NREP: variants seen among roughly 807,000 people sequenced by gnomAD.
NREP encodes the protein neuronal regeneration related protein, also known as neuronal regeneration-related protein.
In NREP, 5 loss-of-function variants were observed where a neutral mutation model predicts 8.6. That is an observed-to-expected ratio of 0.58 (90% CI 0.30 to 1.22). The LOEUF (loss-of-function observed/expected upper bound fraction) is 1.22, where lower values mean the gene tolerates loss of function less well. Ranked by LOEUF, NREP falls within the 50% of genes most tolerant of loss-of-function variation. NREP has a pLI of 0.07. For synonymous variants in NREP, 27 were observed against 28.0 expected (o/e 0.96, Z 0.11); for missense variants, 86 against 82.5 (o/e 1.04, Z -0.17).
chr5:111,779,124 A>G (rs889455686), intron 2 of NREP, among the ~76,000 whole-genome samples: 1 of 152,022 alleles, frequency 6.6e-6, no homozygotes, highest in Non-Finnish European at 1.5e-5. Context: ...ATACATTCCT[A>G]TTTTTCTTTC....
At chr5:111,840,602 T>G (rs1256073381) in intron 2 of NREP, among the ~76,000 whole-genome samples, 1 of 152,140 alleles carries the variant, frequency 6.6e-6, no homozygotes, top group Non-Finnish European at 1.5e-5. Flanking sequence ...ATGCAACCTA[T>G]AAGAGGCACA....
chr5:111,930,576 G>T lies in NREP; in HGVS notation c.135+44698C>A, dbSNP rs116619453. On this transcript the variant is annotated intron_variant, in intron 2 of 3. Transcript: ENST00000395634. ...AGCTTTTATACTCTACAAAGGAAAT[G>T]ATGTCGTCAGACCTATGCACATGAC... Among the ~76,000 whole-genome samples, 1,022 of 152,246 alleles carry T rather than the reference G, an allele frequency of 6.7e-3. 14 individuals carry two copies. The highest frequency in any genetic ancestry group is 0.024 in the African/African-American group (984 of 41,552).
At chr5:111,953,462 T>A (rs149703728) in intron 2 of NREP, among the ~76,000 whole-genome samples, 1 of 152,282 alleles carries the variant, frequency 6.6e-6, no homozygotes, top group African/African-American at 2.4e-5. Context: ...CTTTCTTTTT[T>A]CTATGAGATT....
intron 2 of NREP, among the ~76,000 whole-genome samples, chr5:111,785,111 G>A (rs1295583153): frequency 2.0e-5 from 3 of 152,110 alleles, no homozygotes; most frequent in Non-Finnish European, 4.4e-5. Flanking sequence ...GAAAGAAGAG[G>A]AAGTCTTCCA....
intron 2 of NREP, among the ~76,000 whole-genome samples, chr5:111,887,560 C>A (rs1385689133): frequency 6.6e-6 from 1 of 152,066 alleles, no homozygotes; most frequent in Non-Finnish European, 1.5e-5. Context: ...TTGCACAATG[C>A]AGAGTAGCAG....
At chr5:111,958,954 G>A (rs1193783305) in intron 2 of NREP, among the ~76,000 whole-genome samples, 6 of 151,804 alleles carry the variant, frequency 4.0e-5, no homozygotes, top group Middle Eastern at 3.4e-3. Context: ...ATAGCCTTAC[G>A]GTATATCACA....
upstream of NREP, among the ~76,000 whole-genome samples, chr5:111,758,739 G>C (rs1241598198): frequency 1.3e-5 from 2 of 152,236 alleles, no homozygotes; most frequent in East Asian, 3.8e-4. Context: ...AATGTCTGAT[G>C]TTTTAGATTT....
At chr5:111,810,373 C>G (rs1417059784) in intron 2 of NREP, among the ~76,000 whole-genome samples, 1 of 152,208 alleles carries the variant, frequency 6.6e-6, no homozygotes, top group Non-Finnish European at 1.5e-5. Flanking sequence ...GAATAACCTT[C>G]CAGTTCCTGG....
At chr5:111,952,275 C>G (rs1186409365) in intron 2 of NREP, among the ~76,000 whole-genome samples, 1 of 152,102 alleles carries the variant, frequency 6.6e-6, no homozygotes, top group East Asian at 1.9e-4. Context: ...TAAGGCCAGC[C>G]AGTTAGGCAA....
intron 2 of NREP, among the ~76,000 whole-genome samples, chr5:111,804,966 AC>A (rs913254613): frequency 2.6e-5 from 4 of 151,966 alleles, no homozygotes; most frequent in African/African-American, 4.8e-5. Flanking sequence ...GCGCCACTGC[AC>A]TCTAGCCTGG....
chr5:111,962,352 G>C (rs565787120), intron 2 of NREP, among the ~76,000 whole-genome samples: 1 of 151,446 alleles, frequency 6.6e-6, no homozygotes, highest in East Asian at 1.9e-4. Context: ...AGCACAAAGA[G>C]CACCCCTGGC....
chr5:111,966,053 A>C (rs1012443408), intron 2 of NREP, among the ~76,000 whole-genome samples: 7 of 152,214 alleles, frequency 4.6e-5, no homozygotes, highest in Non-Finnish European at 8.8e-5. Context: ...ATGCTGTATC[A>C]GGGCAAGTTA....
intron 2 of NREP, among the ~76,000 whole-genome samples, chr5:111,784,309 T>C (rs903819459): frequency 6.6e-6 from 1 of 151,956 alleles, no homozygotes; most frequent in Non-Finnish European, 1.5e-5. Context: ...CCTGTGTAGA[T>C]GCAAGGAAAG....
upstream of NREP, among the ~76,000 whole-genome samples, chr5:111,759,734 A>G (rs1342521417): frequency 6.6e-6 from 1 of 152,214 alleles, no homozygotes; most frequent in African/African-American, 2.4e-5. Context: ...ACTTAAGGAT[A>G]TATGAGAAAC....
At chr5:111,749,182 G>T (rs1028361637) in intron 2 of NREP, among the ~76,000 whole-genome samples, 2 of 152,140 alleles carry the variant, frequency 1.3e-5, no homozygotes, top group Middle Eastern at 3.4e-3. Context: ...CTGTCAAGCC[G>T]CAGAAATAAA....
At chr5:111,754,607 A>AT (rs1750588213) in intron 2 of NREP, among the ~76,000 whole-genome samples, 1 of 152,218 alleles carries the variant, frequency 6.6e-6, no homozygotes, top group South Asian at 2.1e-4. Context: ...TTTGCACAAA[A>AT]TCCATTGATT....
chr5:111,838,016 A>G lies in NREP; in HGVS notation c.136-102509T>C, dbSNP rs186193709. On this transcript the variant is annotated intron_variant, in intron 2 of 3. Coordinates refer to the NREP transcript ENST00000395634. ...AGAGTCTATTTTCTAGATTACAGAAAATACAGGGGTTAGATTAGCACTACC... is the reference window on the plus strand; with the variant it reads ...AGAGTCTATTTTCTAGATTACAGAAGATACAGGGGTTAGATTAGCACTACC... Among the ~76,000 whole-genome samples, 298 of 152,204 alleles carry G rather than the reference A, an allele frequency of 2.0e-3. 1 individual carries two copies. Among genetic ancestry groups the G allele is most frequent in the African/African-American group, 6.9e-3 (285 of 41,572 alleles).
At chr5:111,848,078 C>T (rs1753224658) in intron 2 of NREP, among the ~76,000 whole-genome samples, 1 of 152,126 alleles carries the variant, frequency 6.6e-6, no homozygotes, top group Non-Finnish European at 1.5e-5. Context: ...CAAATATCTC[C>T]ATTGAAGAGA....
In NREP at chr5:111,730,932, G is replaced by A. The variant is rs1344008060; in HGVS notation, c.196C>T (p.His66Tyr). The A allele has an allele frequency of 1.9e-6, 3 of 1,613,752 alleles. No homozygotes were observed. Among genetic ancestry groups the A allele is most frequent in the African/African-American group, 1.3e-5 (1 of 74,882 alleles). The change falls in exon 4 of 4, where the codon CAC (histidine) becomes TAC (tyrosine). Residue 66 changes from histidine to tyrosine, a missense_variant. His to Tyr is a moderately conservative substitution (Grantham distance 83). Coordinates refer to ENST00000257435, the MANE Select transcript of NREP (RefSeq NM_004772.4). ...ELRSPRISYL[H>Y]FF ...TGGAGGTGTTACGATTAAAAAAAGT[G>A]GAGGTAACTGATTCTTGGGGAGCGG...
Sources: allele counts gnomAD v4.1 joint callset (sites outside exome capture counted in the v4.1 genomes callset), GRCh38; gene constraint gnomAD v4.1.1; transcripts MANE v1.5; gene names NCBI Gene and HGNC (gene_info 2026-07-23, HGNC 2026-07-21).